The following MGAT4D variants were observed in gnomAD, a reference collection of about 807,000 sequenced individuals.
The protein encoded by MGAT4D is MGAT4 family member D.
MGAT4D carries 34 observed loss-of-function variants against 15.9 expected under a neutral mutation model. The ratio of observed to expected loss-of-function variants is 2.14; its 90% CI spans 1.62 to 2.84. The LOEUF (loss-of-function observed/expected upper bound fraction) is 2.84. MGAT4D is among the 30% of genes most tolerant of loss of function. The pLI is 0.00. For synonymous variants in MGAT4D, 112 were observed against 48.2 expected (o/e 2.33, Z -5.49); for missense variants, 327 against 140.2 (o/e 2.33, Z -6.73).
At chr4:140,463,606 A>G (rs563372566) in intron 6 of MGAT4D, among the ~76,000 whole-genome samples, 2 of 152,178 alleles carry the variant, frequency 1.3e-5, no homozygotes, top group South Asian at 2.1e-4. Context: ...ACCCAAGGTC[A>G]TTCTTGCCCT....
chr4:140,489,094 G>A (rs779238549), intron 1 of MGAT4D, among the ~76,000 whole-genome samples: 2 of 152,110 alleles, frequency 1.3e-5, no homozygotes, highest in South Asian at 2.1e-4. Flanking sequence ...CATGGGGAAC[G>A]TACGTAAGTC....
intron 5 of MGAT4D, among the ~76,000 whole-genome samples, chr4:140,470,695 C>T (rs1405276067): frequency 6.6e-6 from 1 of 152,194 alleles, no homozygotes; most frequent in African/African-American, 2.4e-5. Flanking sequence ...TCAGGCATGA[C>T]ATTTTCCCCC....
At chr4:140,451,939 T>C (rs1730496350) in intron 9 of MGAT4D, among the ~76,000 whole-genome samples, 1 of 148,116 alleles carries the variant, frequency 6.8e-6, no homozygotes, top group Admixed American at 6.7e-5. Flanking sequence ...AAAAATATAA[T>C]ATTAAAACAA....
intron 5 of MGAT4D, among the ~76,000 whole-genome samples, chr4:140,466,810 C>T (rs754012195): frequency 1.5e-4 from 23 of 152,004 alleles, no homozygotes; most frequent in Non-Finnish European, 2.8e-4. Context: ...TATAAACACA[C>T]ACAAACACAC....
chr4:140,488,809 G>A (rs1338244823), intron 1 of MGAT4D, among the ~76,000 whole-genome samples: 5 of 152,154 alleles, frequency 3.3e-5, no homozygotes, highest in African/African-American at 4.8e-5. Flanking sequence ...CTATCCTCAT[G>A]ATAGTGAGTT....
In MGAT4D at chr4:140,470,887, A is replaced by ATTTT. The variant is rs776418118; in HGVS notation, c.572+884_572+887dup. On this transcript the variant is annotated intron_variant, in intron 5 of 10. Coordinates refer to ENST00000511113, the MANE Select transcript of MGAT4D (RefSeq NM_001277353.2). The stretch of plus-strand genomic sequence containing the variant: ...AGCCTCTTCCTTCCTTTATTTTATA[A>ATTTT]TTTTTTTTTTTTTTTGAGACACAGT... 1.0e-3 allele frequency among the ~76,000 whole-genome samples: 145 copies of ATTTT among 142,982 alleles called. 1 individual carries two copies. The highest frequency in any genetic ancestry group is 4.7e-3 in the Admixed American group (68 of 14,342). The allele number at this position is 142,982 out of a possible 152,430, so 93.8% of individuals were successfully genotyped here.
chr4:140,490,985 ATCC>A, intron 1 of MGAT4D, among the ~76,000 whole-genome samples: 1 of 152,336 alleles, frequency 6.6e-6, no homozygotes, highest in Non-Finnish European at 1.5e-5. Flanking sequence ...TCCAACATGA[ATCC>A]TCGACTTAAT....
intron 5 of MGAT4D, among the ~76,000 whole-genome samples, chr4:140,468,802 A>G (rs771566412): frequency 7.9e-5 from 12 of 152,138 alleles, no homozygotes; most frequent in Non-Finnish European, 1.2e-4. Context: ...TTCACTGCCA[A>G]TGAATCCCTC....
intron 1 of MGAT4D, among the ~76,000 whole-genome samples, chr4:140,484,051 A>C (rs141068464): frequency 6.9e-4 from 105 of 152,324 alleles, no homozygotes; most frequent in African/African-American, 2.4e-3. Flanking sequence ...CAGCAAAGTA[A>C]ACAATTAACA....
At chr4:140,482,052 G>GGTCA (rs781464249) in intron 2 of MGAT4D, among the ~76,000 whole-genome samples, 2 of 152,008 alleles carry the variant, frequency 1.3e-5, no homozygotes, top group African/African-American at 2.4e-5. Flanking sequence ...TAGAGCGAGG[G>GGTCA]GTCAGAGGTG....
chr4:140,486,999 G>A (rs961159704), intron 1 of MGAT4D, among the ~76,000 whole-genome samples: 6 of 152,136 alleles, frequency 3.9e-5, no homozygotes, highest in Non-Finnish European at 8.8e-5. Flanking sequence ...TACATTGTAG[G>A]TCAGTCCCTA....
chr4:140,458,545 A>G, intron 8 of MGAT4D: 1 of 152,184 alleles, frequency 6.6e-6, no homozygotes, highest in East Asian at 1.9e-4. Flanking sequence ...TATATGCATG[A>G]TCTCTATGTG....
chr4:140,455,986 A>G (rs1730770815), intron 9 of MGAT4D, among the ~76,000 whole-genome samples: 1 of 152,052 alleles, frequency 6.6e-6, no homozygotes, highest in Admixed American at 6.5e-5. Context: ...AAAATACAAA[A>G]ATTAGCTGGG....
At chr4:140,491,210 ACTC>A (rs1440261593) in intron 1 of MGAT4D, among the ~76,000 whole-genome samples, 1 of 152,084 alleles carries the variant, frequency 6.6e-6, no homozygotes, top group South Asian at 2.1e-4. Context: ...GCGTCTGAGA[ACTC>A]CTCTTCTGCC....
chr4:140,443,337 A>T lies in MGAT4D; in HGVS notation c.*99T>A, dbSNP rs1729887637. The T allele has an allele frequency of 2.4e-6, 1 of 413,632 alleles. No homozygotes were observed. The highest frequency in any genetic ancestry group is 4.3e-5 in the East Asian group (1 of 23,350). The allele number at this position is 413,632 out of a possible 1,614,324, so 25.6% of individuals were successfully genotyped here. ...TATGCATTGTTTACTTATCTGCTAG[A>T]TAATTATGTATTTTCATTACTACAA... On this transcript the variant is annotated 3_prime_UTR_variant, in exon 11 of 11. Coordinates refer to ENST00000511113, the MANE Select transcript of MGAT4D (RefSeq NM_001277353.2).
chr4:140,468,706 T>C (rs1338249929), intron 5 of MGAT4D, among the ~76,000 whole-genome samples: 2 of 152,132 alleles, frequency 1.3e-5, no homozygotes, highest in African/African-American at 2.4e-5. Flanking sequence ...AAAAACTACA[T>C]GTATATGGTG....
Position 140,461,955 on chromosome 4 carries a change from G to T in MGAT4D, c.736C>A (p.Gln246Lys), listed in dbSNP as rs1385919716. The change falls in exon 7 of 11, where the codon CAA (glutamine) becomes AAA (lysine). Residue 246 changes from glutamine (Q) to lysine (K), a missense_variant. Coordinates refer to ENST00000511113, the MANE Select transcript of MGAT4D (RefSeq NM_001277353.2). ...LDFCILLLYA[Q>K]PKAKYYLQLE... ...TGTAAATAATACTTGGCCTTGGGTT[G>T]GGCATACAGCAACAAAATGCAAAAA... The T allele has an allele frequency of 2.9e-6, 2 of 699,548 alleles. No homozygotes were observed. Among genetic ancestry groups the T allele is most frequent in the Non-Finnish European group, 5.2e-6 (2 of 383,468 alleles). The allele number at this position is 699,548 out of a possible 1,614,324, so 43.3% of individuals were successfully genotyped here. A position where few individuals can be genotyped will look rare whatever the true frequency, so the allele number is the denominator to read the frequency against.
chr4:140,452,361 G>T (rs1009010423), intron 9 of MGAT4D, among the ~76,000 whole-genome samples: 11 of 151,958 alleles, frequency 7.2e-5, no homozygotes, highest in Non-Finnish European at 1.3e-4. Context: ...CTAATACATA[G>T]GAAATATTAA....
intron 1 of MGAT4D, among the ~76,000 whole-genome samples, chr4:140,488,230 C>T (rs562570462): frequency 2.0e-5 from 3 of 152,286 alleles, no homozygotes; most frequent in South Asian, 2.1e-4. Context: ...TGGCCATGAA[C>T]GTGACTTGAC....
Sources: allele counts gnomAD v4.1 joint callset (sites outside exome capture counted in the v4.1 genomes callset), GRCh38; gene constraint gnomAD v4.1.1; transcripts MANE v1.5; gene names NCBI Gene and HGNC (gene_info 2026-07-23, HGNC 2026-07-21).